Variants in PRKAR1B observed in about 807,000 individuals in gnomAD.
PRKAR1B encodes cAMP-dependent protein kinase type I-beta regulatory subunit.
PRKAR1B carries 22 observed loss-of-function variants against 46.5 expected under a neutral mutation model. That is an observed-to-expected ratio of 0.47 (90% confidence interval 0.34 to 0.68). The LOEUF is 0.68. Ranked by LOEUF, PRKAR1B falls within the 30% of genes least tolerant of loss-of-function variation. The pLI, the probability that PRKAR1B is intolerant of heterozygous loss-of-function variation, is 0.01. For missense variants in PRKAR1B, 445 were observed against 535.6 expected, an observed-to-expected ratio of 0.83 and a Z score of 1.67; for synonymous variants, 259 against 217.7, an observed-to-expected ratio of 1.19 and a Z score of -1.67.
intron 8 of PRKAR1B, among the ~76,000 whole-genome samples, chr7:581,077 G>T (rs1780155055): frequency 6.6e-6 from 1 of 152,186 alleles, no homozygotes; most frequent in Non-Finnish European, 1.5e-5. Context: ...GCCGAGGCGG[G>T]CGGATCACGA....
At chr7:561,741 T>A (rs796862102) in intron 9 of PRKAR1B, among the ~76,000 whole-genome samples, 48 of 152,344 alleles carry the variant, frequency 3.2e-4, no homozygotes, top group African/African-American at 1.1e-3. Flanking sequence ...TGCCAGCGTT[T>A]AATGGATCAT....
At chr7:555,447 G>T (rs1031063887) in intron 9 of PRKAR1B, among the ~76,000 whole-genome samples, 2 of 152,200 alleles carry the variant, frequency 1.3e-5, no homozygotes, top group Non-Finnish European at 2.9e-5. Flanking sequence ...ATTACCACAC[G>T]GATGACTTTT....
At chr7:583,417 C>CACACCCACATGCGT (rs1336853134) in intron 8 of PRKAR1B, among the ~76,000 whole-genome samples, 1 of 64,314 alleles carries the variant, frequency 1.6e-5, no homozygotes, top group African/African-American at 6.5e-5. Flanking sequence ...TGCACACCCA[C>CACACCCACATGCGT]GCACACACGC....
At chr7:652,073 C>T (rs560495602) in intron 4 of PRKAR1B, among the ~76,000 whole-genome samples, 13 of 121,256 alleles carry the variant, frequency 1.1e-4, no homozygotes, top group South Asian at 3.1e-4. Context: ...AAACCCCTCT[C>T]GGAACACAGT....
At chr7:721,141 T>C (rs1781057914) in intron 1 of PRKAR1B, among the ~76,000 whole-genome samples, 2 of 152,194 alleles carry the variant, frequency 1.3e-5, no homozygotes, top group African/African-American at 4.8e-5. Flanking sequence ...TTCCTTCCAC[T>C]TAAGTCCCTA....
intron 2 of PRKAR1B, among the ~76,000 whole-genome samples, chr7:703,152 G>A (rs1780149691): frequency 6.6e-6 from 1 of 152,048 alleles, no homozygotes; most frequent in African/African-American, 2.4e-5. Flanking sequence ...AAATTACCAG[G>A]AACAAAGAGA....
At chr7:718,255 TACACACACAC>T (rs35563369) in intron 1 of PRKAR1B, among the ~76,000 whole-genome samples, 4,297 of 139,894 alleles carry the variant, frequency 0.031, 92 homozygotes, top group African/African-American at 0.051. Context: ...GCTTTATAGA[TACACACACAC>T]ACACACACAC....
intron 7 of PRKAR1B, among the ~76,000 whole-genome samples, chr7:594,893 G>C (rs1015407918): frequency 1.3e-5 from 2 of 152,114 alleles, no homozygotes; most frequent in African/African-American, 4.8e-5. Flanking sequence ...TCCAAACTAT[G>C]AGGGTCCCCA....
At position 673,113 on chromosome 7, in the gene PRKAR1B, G is replaced by C. The variant is rs973512791; in HGVS notation, c.440+4116C>G. Among the ~76,000 whole-genome samples, 44 of 144,512 alleles carry C rather than the reference G, an allele frequency of 3.0e-4. 1 individual carries two copies. The highest frequency in any genetic ancestry group is 1.1e-3 in the African/African-American group (43 of 39,044). The allele number at this position is 144,512 out of a possible 152,430, so 94.8% of individuals were successfully genotyped here. A position where few individuals can be genotyped will look rare whatever the true frequency, so the allele number is the denominator to read the frequency against. ...ACAGAATGGACAGCTGGTCTGTGTG[G>C]CCAGCAGCTGTGGACCAGGGACCTC... On this transcript the variant is annotated intron_variant, in intron 4 of 10. Coordinates refer to ENST00000537384, the MANE Select transcript of PRKAR1B (RefSeq NM_001164760.2).
intron 3 of PRKAR1B, among the ~76,000 whole-genome samples, chr7:678,117 A>C (rs935640323): frequency 6.6e-6 from 1 of 152,156 alleles, no homozygotes; most frequent in Non-Finnish European, 1.5e-5. Flanking sequence ...CTAAAAATAC[A>C]AAAATTAGCT....
At chr7:552,704 C>T (rs1041957308) in intron 9 of PRKAR1B, among the ~76,000 whole-genome samples, 27 of 152,194 alleles carry the variant, frequency 1.8e-4, no homozygotes, top group East Asian at 3.9e-4. Context: ...CCGAGGCGAG[C>T]GGAGGAGCCG....
At chr7:566,537 C>CCATCAT (rs1162674666) in intron 9 of PRKAR1B, among the ~76,000 whole-genome samples, 110 of 48,218 alleles carry the variant, frequency 2.3e-3, no homozygotes, top group Middle Eastern at 6.1e-3. Flanking sequence ...ATTATGGCCA[C>CCATCAT]CACCATCACC....
chr7:710,582 C>G lies in PRKAR1B; in HGVS notation c.177+747G>C, dbSNP rs149899688. Among the ~76,000 whole-genome samples, 1,407 of 151,894 alleles carry G rather than the reference C, an allele frequency of 9.3e-3. 22 individuals carry two copies. Among genetic ancestry groups the G allele is most frequent in the African/African-American group, 0.032 (1,331 of 41,428 alleles). On this transcript the variant is annotated intron_variant, in intron 2 of 10. Transcript: ENST00000537384. Reference sequence around the variant, plus strand: ...CTTTCCTCTCCCACTGCTGCAAGATCAACGTGGAATTCGACCTCAAACCCC... The same window carrying G: ...CTTTCCTCTCCCACTGCTGCAAGATGAACGTGGAATTCGACCTCAAACCCC...
In PRKAR1B at chr7:602,106, G is replaced by A. The variant is rs965907755; in HGVS notation, c.549+4087C>T. On this transcript the variant is annotated intron_variant, in intron 6 of 10. Transcript: ENST00000537384. This position sits in a 1 kb window ranked among gnomAD's most constrained non-coding sequence, Gnocchi z 6.4. ...GACGCGTCGTGTCTGAGAGAAAACC[G>A]TCTCCCCTCCACTCAGGCTTCAGCC... Among the ~76,000 whole-genome samples the A allele has an allele frequency of 3.9e-5, 6 of 152,246 alleles. No homozygotes were observed. The highest frequency in any genetic ancestry group is 3.3e-4 in the Admixed American group (5 of 15,302).
intron 9 of PRKAR1B, among the ~76,000 whole-genome samples, chr7:561,556 C>T (rs1375237245): frequency 3.9e-5 from 6 of 152,350 alleles, no homozygotes; most frequent in Non-Finnish European, 7.3e-5. Context: ...AGCTGTCCCT[C>T]TGCCGTTTGT....
intron 4 of PRKAR1B, among the ~76,000 whole-genome samples, chr7:661,205 T>G (rs866809351): frequency 4.0e-5 from 2 of 49,416 alleles, no homozygotes; most frequent in Non-Finnish European, 7.5e-5. Flanking sequence ...ACTTACTCTT[T>G]CCCTCCATGG....
intron 1 of PRKAR1B, among the ~76,000 whole-genome samples, chr7:715,903 G>C (rs1040669049): frequency 6.6e-6 from 1 of 152,072 alleles, no homozygotes; most frequent in African/African-American, 2.4e-5. Context: ...TTTTAGTAGA[G>C]ATGGGGTTTC....
chr7:724,288 CA>C (rs775773476), intron 1 of PRKAR1B, among the ~76,000 whole-genome samples: 5 of 152,192 alleles, frequency 3.3e-5, no homozygotes, highest in Non-Finnish European at 5.9e-5. Flanking sequence ...TTGTAGCTCC[CA>C]CAATTCCCAC....
chr7:604,848 GACA>G (rs1472847378), intron 6 of PRKAR1B, among the ~76,000 whole-genome samples: 1 of 151,902 alleles, frequency 6.6e-6, no homozygotes, highest in African/African-American at 2.4e-5. Context: ...GGGGCAGGTG[GACA>G]AGGAGAAGGG....
Sources: gnomAD v4.1 joint callset for allele counts (sites outside exome capture counted in the v4.1 genomes callset) on GRCh38, gnomAD v4.1.1 for gene constraint, Gnocchi (gnomAD v3.1) non-coding constraint, MANE v1.5 for transcripts, NCBI Gene and HGNC (gene_info 2026-07-23, HGNC 2026-07-21) for gene names.